Variants in MBD3 observed in about 807,000 individuals in gnomAD.
MBD3 encodes methyl-CpG-binding domain protein 3.
MBD3 carries 13 observed loss-of-function variants against 31.2 expected under a neutral mutation model. That is an observed-to-expected ratio of 0.42 (90% CI 0.27 to 0.66). MBD3 has a LOEUF of 0.66. Among genes scored for constraint, MBD3 ranks in the 30% least tolerant of loss-of-function variants. MBD3 has a pLI of 0.26. For missense variants in MBD3, 440 were observed against 426.5 expected (o/e 1.03, Z -0.28); for synonymous variants, 223 against 187.4 (o/e 1.19, Z -1.55).
At chr19:1,590,175 G>GT (rs1451237904) in intron 1 of MBD3, among the ~76,000 whole-genome samples, 2 of 152,318 alleles carry the variant, frequency 1.3e-5, no homozygotes, top group Middle Eastern at 3.4e-3. Flanking sequence ...GCAGACGCCT[G>GT]TAATCCCAGC....
intron 1 of MBD3, among the ~76,000 whole-genome samples, chr19:1,591,685 T>C (rs2060704252): frequency 6.6e-6 from 1 of 151,690 alleles, no homozygotes; most frequent in South Asian, 2.1e-4. Context: ...CAAAAGCATC[T>C]TTCCCGAGCC....
At chr19:1,583,867 G>C (rs958248405) in intron 3 of MBD3, among the ~76,000 whole-genome samples, 1 of 152,062 alleles carries the variant, frequency 6.6e-6, no homozygotes, top group African/African-American at 2.4e-5. Context: ...TGTCGCCCAG[G>C]CAGGAGTGCA....
In MBD3 at chr19:1,574,630, C is replaced by T. The variant is rs966072332; in HGVS notation, c.*3534G>A. 1 of 152,880 alleles carries T rather than the reference C, an allele frequency of 6.5e-6. No individual in the cohort carries two copies. 9.5% of individuals were successfully genotyped at this position (152,880 alleles called of 1,614,324 possible). A position where few individuals can be genotyped will look rare whatever the true frequency, so the allele number is the denominator to read the frequency against. ...ACTTGACTTGTTTACACTTTTTGGA[C>T]CCCTTGAATCTGGAGCGAGTGTGAC... is the stretch of plus-strand genomic sequence containing the variant. On this transcript the variant is annotated 3_prime_UTR_variant, in exon 7 of 7. Transcript: ENST00000434436.
chr19:1,578,199 G>T lies in MBD3; in HGVS notation c.*6-41C>A, dbSNP rs1917255615. On this transcript the variant is annotated intron_variant, in intron 6 of 6. Coordinates refer to ENST00000434436, the MANE Select transcript of MBD3 (RefSeq NM_001281453.2). The surrounding 1 kb of genome is among the most constrained non-coding windows in gnomAD (Gnocchi z 6.1). ...AGGGCTGGCTTTAGCGACTCCACGG[G>T]ACGGGGACGCTTGGGCTCTTCTAGG... The T allele has an allele frequency of 2.2e-6, 3 of 1,370,628 alleles. No homozygotes were observed. Among genetic ancestry groups the T allele is most frequent in the Non-Finnish European group, 3.0e-6 (3 of 993,186 alleles). The allele number at this position is 1,370,628 out of a possible 1,614,324, so 84.9% of individuals were successfully genotyped here.
chr19:1,578,013 G>T lies in MBD3; in HGVS notation c.*151C>A. ...TGTGCCCCGAGGCCCCGGGAAGTGG[G>T]GACGGGCCGAGGAGGGAGCCAGGAG... On this transcript the variant is annotated 3_prime_UTR_variant, in exon 7 of 7. Transcript: ENST00000434436. The surrounding 1 kb of genome is among the most constrained non-coding windows in gnomAD (Gnocchi z 6.1). 2.1e-6 allele frequency: 1 copy of T among 468,486 alleles called. No individual in the cohort carries two copies. Among genetic ancestry groups the T allele is most frequent in the African/African-American group, 2.0e-5 (1 of 51,116 alleles). 29.0% of individuals were successfully genotyped at this position (468,486 alleles called of 1,614,324 possible).
chr19:1,587,685 T>C (rs939387928), intron 1 of MBD3, among the ~76,000 whole-genome samples: 2 of 152,228 alleles, frequency 1.3e-5, no homozygotes, highest in East Asian at 1.9e-4. Context: ...AAAGGGATTA[T>C]AGGCGGCAGC....
chr19:1,578,482 G>C lies in MBD3; in HGVS notation c.734C>G (p.Ala245Gly), dbSNP rs750220661. The change falls in exon 6 of 7, where the codon GCC becomes GGC. Residue 245 changes from alanine (A) to glycine (G), a missense_variant. Around this residue, in one of 3 missense-constraint regions of MBD3, gnomAD observed 117 missense variants for 95.0 expected, o/e 1.23. Transcript: ENST00000434436. This position sits in a 1 kb window ranked among gnomAD's most constrained non-coding sequence, Gnocchi z 6.1. ...CTCCTCCACGTGCGCCAGCATGTCG[G>C]CCATCAGCGCCTCCTCCAGCCGCTT... ...VRKRLEEALM[A>G]DMLAHVEELA... 6.2e-7 allele frequency: 1 copy of C among 1,610,932 alleles called. No individual in the cohort carries two copies. The highest frequency in any genetic ancestry group is 1.1e-5 in the South Asian group (1 of 91,072).
intron 3 of MBD3, chr19:1,583,401 A>G (rs1219910770): frequency 1.3e-5 from 2 of 151,502 alleles, no homozygotes; most frequent in Non-Finnish European, 2.9e-5. Flanking sequence ...AAAAAAAAAA[A>G]AAAAAAGAAA....
rs2060711231 is a variant in MBD3 at position 1,592,658 on chromosome 19, G to GGGCCCGCCGCCGCCGCCC, written c.-45_-28dup. On this transcript the variant is annotated 5_prime_UTR_variant, in exon 1 of 7. Coordinates refer to ENST00000434436, the MANE Select transcript of MBD3 (RefSeq NM_001281453.2). ...GCGCCCGGCTCCTCGGCCCGCCGCC[G>GGGCCCGCCGCCGCCGCCC]GGCCCGCCGCCGCCGCCCGGACCCC... The GGGCCCGCCGCCGCCGCCC allele has an allele frequency of 1.9e-6, 2 of 1,078,562 alleles. No individual in the cohort carries two copies. Among genetic ancestry groups the GGGCCCGCCGCCGCCGCCC allele is most frequent in the Non-Finnish European group, 2.4e-6 (2 of 841,876 alleles). 66.8% of individuals were successfully genotyped at this position (1,078,562 alleles called of 1,614,324 possible). A position where few individuals can be genotyped will look rare whatever the true frequency, so the allele number is the denominator to read the frequency against.
At chr19:1,583,506 T>C (rs894215483) in intron 3 of MBD3, 4 of 151,312 alleles carry the variant, frequency 2.6e-5, no homozygotes, top group African/African-American at 4.9e-5. Context: ...GTGGGTTCCA[T>C]AACCACACAC....
rs1321572922 is a variant in MBD3, at chr19:1,577,942, A to G, written c.*222T>C. ...GGCACTTCCCGAAGCCGGACTCTGT[A>G]GAGGACGAGCGTGGAGGGTCTTTCG... On this transcript the variant is annotated 3_prime_UTR_variant, in exon 7 of 7. Transcript: ENST00000434436. The G allele has an allele frequency of 1.3e-5, 4 of 316,698 alleles. No individual in the cohort carries two copies. The highest frequency in any genetic ancestry group is 2.1e-5 in the African/African-American group (1 of 46,542). The allele number at this position is 316,698 out of a possible 1,614,324, so 19.6% of individuals were successfully genotyped here.
chr19:1,578,542 G>T lies in MBD3; in HGVS notation c.678-4C>A. On this transcript the variant is annotated splice_region_variant and splice_polypyrimidine_tract_variant and intron_variant, in intron 5 of 6. Coordinates refer to ENST00000434436, the MANE Select transcript of MBD3 (RefSeq NM_001281453.2). The surrounding 1 kb of genome is among the most constrained non-coding windows in gnomAD (Gnocchi z 6.1). ...CTGCACCAGCTCTTCCTGCTTCCTG[G>T]GGACACATGGACCTTGCGTTACACC... 6.2e-7 allele frequency: 1 copy of T among 1,611,896 alleles called. No homozygotes were observed. Among genetic ancestry groups the T allele is most frequent in the South Asian group, 1.1e-5 (1 of 91,082 alleles).
intron 3 of MBD3, chr19:1,583,525 C>A (rs1411737317): frequency 6.6e-6 from 1 of 151,900 alleles, no homozygotes; most frequent in African/African-American, 2.4e-5. Context: ...ACCCAACCAG[C>A]GGCAGACTGA....
intron 1 of MBD3, chr19:1,586,080 TG>T (rs1309618004): frequency 1.3e-5 from 2 of 152,304 alleles, no homozygotes; most frequent in African/African-American, 4.8e-5. Flanking sequence ...GGATGTAAGA[TG>T]GAACAGCCAT....
chr19:1,578,668 CT>C lies in MBD3; in HGVS notation c.678-131del, dbSNP rs1917274768. ...CACAGGCACCCCCCCAGGACCAGCC[CT>C]GGCCCGTGCCACCCCTCCCTTCACA... On this transcript the variant is annotated intron_variant, in intron 5 of 6. Transcript: ENST00000434436. This position sits in a 1 kb window ranked among gnomAD's most constrained non-coding sequence, Gnocchi z 6.1. 3.8e-6 allele frequency: 6 copies of C among 1,563,300 alleles called. No homozygotes were observed. The African/African-American group carries it at 5.4e-5, about 14-fold the overall frequency.
chr19:1,579,254 C>A (rs149483990), intron 5 of MBD3, among the ~76,000 whole-genome samples: 3 of 151,876 alleles, frequency 2.0e-5, no homozygotes, highest in Non-Finnish European at 4.4e-5. Context: ...CAGCAGCCCC[C>A]ACCCTCGCAG....
chr19:1,585,259 C>T lies in MBD3; in HGVS notation c.111-45G>A. ...TCGGCGCCCCGGGCGGACCCCAGAC[C>T]CCAAACCCAGGCCTCGGCCGCAGAC... On this transcript the variant is annotated intron_variant, in intron 1 of 6. Coordinates refer to ENST00000434436, the MANE Select transcript of MBD3 (RefSeq NM_001281453.2). The surrounding 1 kb of genome is among the most constrained non-coding windows in gnomAD (Gnocchi z 4.1). 1 of 1,538,118 alleles carries T rather than the reference C, an allele frequency of 6.5e-7. No individual in the cohort carries two copies. The highest frequency in any genetic ancestry group is 8.7e-7 in the Non-Finnish European group (1 of 1,148,118).
At chr19:1,579,760 G>A (rs1408941663) in intron 5 of MBD3, among the ~76,000 whole-genome samples, 1 of 152,004 alleles carries the variant, frequency 6.6e-6, no homozygotes, top group African/African-American at 2.4e-5. Context: ...TCATTTCAAT[G>A]CCCTTTTCTA....
chr19:1,589,893 G>A (rs554477120), intron 1 of MBD3, among the ~76,000 whole-genome samples: 1 of 152,220 alleles, frequency 6.6e-6, no homozygotes, highest in Non-Finnish European at 1.5e-5. Flanking sequence ...GTGGTTACCA[G>A]GGGCTGGGGG....
Sources: allele counts gnomAD v4.1 joint callset (sites outside exome capture counted in the v4.1 genomes callset), GRCh38; gene constraint gnomAD v4.1.1; regional missense constraint gnomAD v4.1.1; non-coding constraint Gnocchi (gnomAD v3.1); transcripts MANE v1.5; gene names NCBI Gene and HGNC (gene_info 2026-07-23, HGNC 2026-07-21).